The following SH3BGRL2 variants were observed in gnomAD, a reference collection of about 807,000 sequenced individuals.
SH3BGRL2 encodes the protein SH3 domain binding glutamate rich protein like 2.
In SH3BGRL2, 21 loss-of-function variants were observed where a neutral mutation model predicts 14.8. The observed-to-expected ratio is 1.42, with a 90% CI of 1.01 to 2.05. The LOEUF (loss-of-function observed/expected upper bound fraction) is 2.05, where lower values mean the gene tolerates loss of function less well. Among genes scored for constraint, SH3BGRL2 ranks in the 30% most tolerant of loss-of-function variants. The pLI, the probability that SH3BGRL2 is intolerant of heterozygous loss-of-function variation, is 0.00. For synonymous variants in SH3BGRL2, 50 were observed against 47.8 expected (o/e 1.05, Z -0.19); for missense variants, 147 against 130.8 (o/e 1.12, Z -0.61).
the SH3BGRL2 span, among the ~76,000 whole-genome samples, chr6:79,617,556 G>T: frequency 6.6e-6 from 1 of 151,950 alleles, no homozygotes; most frequent in Non-Finnish European, 1.5e-5. Flanking sequence ...TGTTGTGTTT[G>T]GTTAAGCAAG....
the SH3BGRL2 span, among the ~76,000 whole-genome samples, chr6:79,548,837 A>G: frequency 9.9e-5 from 15 of 152,202 alleles, no homozygotes; most frequent in African/African-American, 3.1e-4. Context: ...AGGAGGAACA[A>G]TGAAAAATGG....
At chr6:79,537,700 G>A in the SH3BGRL2 span, among the ~76,000 whole-genome samples, 2 of 152,140 alleles carry the variant, frequency 1.3e-5, no homozygotes, top group African/African-American at 4.8e-5. Context: ...GAGGGACGCG[G>A]GCGGAGGGCA....
chr6:79,682,660 C>T (rs376548716), intron 2 of SH3BGRL2, among the ~76,000 whole-genome samples: 19 of 152,148 alleles, frequency 1.2e-4, no homozygotes, highest in East Asian at 5.8e-4. Context: ...CCCATCTGCC[C>T]GGAACATCCA....
chr6:79,681,256 C>T (rs1769983367), intron 2 of SH3BGRL2, among the ~76,000 whole-genome samples: 1 of 151,862 alleles, frequency 6.6e-6, no homozygotes, highest in Non-Finnish European at 1.5e-5. Flanking sequence ...CTGTTTTTAC[C>T]GAAAAATAAC....
intron 1 of SH3BGRL2, among the ~76,000 whole-genome samples, chr6:79,663,506 CAAATGTT>C (rs1209558351): frequency 6.6e-6 from 1 of 152,174 alleles, no homozygotes; most frequent in African/African-American, 2.4e-5. Context: ...TGCAGAACAG[CAAATGTT>C]ACTCCCTGAT....
the SH3BGRL2 span, among the ~76,000 whole-genome samples, chr6:79,567,928 C>T: frequency 6.6e-6 from 1 of 152,138 alleles, no homozygotes; most frequent in African/African-American, 2.4e-5. Context: ...TGGGCAGCGA[C>T]TATGGATATC....
At chr6:79,596,972 G>A in the SH3BGRL2 span, among the ~76,000 whole-genome samples, 1 of 152,180 alleles carries the variant, frequency 6.6e-6, no homozygotes, top group African/African-American at 2.4e-5. Context: ...CCTCCTGTCT[G>A]TAATCCCAGG....
chr6:79,664,994 G>A (rs1769627848), intron 1 of SH3BGRL2, among the ~76,000 whole-genome samples: 2 of 152,184 alleles, frequency 1.3e-5, no homozygotes, highest in Admixed American at 6.5e-5. Flanking sequence ...GAGGTCAGGA[G>A]TTTGAGACCA....
chr6:79,568,894 T>A, the SH3BGRL2 span, among the ~76,000 whole-genome samples: 7 of 152,146 alleles, frequency 4.6e-5, no homozygotes, highest in African/African-American at 1.7e-4. Flanking sequence ...TAAAAATGAA[T>A]TTTTTTGTTA....
the SH3BGRL2 span, among the ~76,000 whole-genome samples, chr6:79,550,639 G>C: frequency 6.6e-6 from 1 of 152,062 alleles, no homozygotes; most frequent in Non-Finnish European, 1.5e-5. Context: ...ATTCCTACTT[G>C]GTCAAGGAAT....
At chr6:79,559,517 A>T in the SH3BGRL2 span, among the ~76,000 whole-genome samples, 6 of 152,184 alleles carry the variant, frequency 3.9e-5, no homozygotes, top group African/African-American at 7.2e-5. Context: ...ACAAAGAAAA[A>T]CTATGGAAAT....
chr6:79,692,488 A>T (rs1319045641), intron 2 of SH3BGRL2, among the ~76,000 whole-genome samples: 3 of 152,194 alleles, frequency 2.0e-5, no homozygotes, highest in Non-Finnish European at 2.9e-5. Flanking sequence ...TTATGGTTCT[A>T]GGTCTAACAT....
chr6:79,551,261 C>T, the SH3BGRL2 span, among the ~76,000 whole-genome samples: 1 of 152,154 alleles, frequency 6.6e-6, no homozygotes, highest in Non-Finnish European at 1.5e-5. Flanking sequence ...AATTATAAAA[C>T]CTCACTCCCA....
At chr6:79,600,575 G>T in the SH3BGRL2 span, among the ~76,000 whole-genome samples, 1 of 151,998 alleles carries the variant, frequency 6.6e-6, no homozygotes, top group Admixed American at 6.6e-5. Flanking sequence ...ACAGTCTCCT[G>T]CCCCACAGAA....
intron 1 of SH3BGRL2, among the ~76,000 whole-genome samples, chr6:79,668,657 G>C (rs1021979723): frequency 2.0e-5 from 3 of 151,998 alleles, no homozygotes; most frequent in Admixed American, 6.6e-5. Context: ...AGCAGATTCA[G>C]GGAAATACCC....
intron 1 of SH3BGRL2, among the ~76,000 whole-genome samples, chr6:79,661,697 T>C (rs1384303457): frequency 1.3e-5 from 2 of 152,240 alleles, no homozygotes; most frequent in African/African-American, 4.8e-5. Flanking sequence ...GTTAATCTTC[T>C]GTCTCATTCA....
At chr6:79,652,009 C>G (rs1314916474) in intron 1 of SH3BGRL2, among the ~76,000 whole-genome samples, 1 of 152,184 alleles carries the variant, frequency 6.6e-6, no homozygotes, top group African/African-American at 2.4e-5. Flanking sequence ...ATTCCCTCAG[C>G]TGTGACCACC....
rs1768818741 is a variant in SH3BGRL2 at position 79,631,355 on chromosome 6, A to G, written c.-107A>G. 15 of 1,039,660 alleles carry G rather than the reference A, an allele frequency of 1.4e-5. No homozygotes were observed. Among genetic ancestry groups the G allele is most frequent in the Non-Finnish European group, 1.9e-5 (15 of 771,100 alleles). 64.4% of individuals were successfully genotyped at this position (1,039,660 alleles called of 1,614,324 possible). On this transcript the variant is annotated 5_prime_UTR_variant, in exon 1 of 4. Coordinates refer to ENST00000369838, the MANE Select transcript of SH3BGRL2 (RefSeq NM_031469.4). ...GATCCCAGCGATCTTCCCCGACGGCAGCGCTTTACCCAGAGGCTGCCGGCG... is the reference window on the plus strand; with the variant it reads ...GATCCCAGCGATCTTCCCCGACGGCGGCGCTTTACCCAGAGGCTGCCGGCG...
At chr6:79,634,347 G>A (rs532868215) in intron 1 of SH3BGRL2, among the ~76,000 whole-genome samples, 128 of 152,214 alleles carry the variant, frequency 8.4e-4, no homozygotes, top group African/African-American at 3.0e-3. Flanking sequence ...CTGAAAAATC[G>A]GATTTCTTAT....
Sources: allele counts gnomAD v4.1 joint callset (sites outside exome capture counted in the v4.1 genomes callset), GRCh38; gene constraint gnomAD v4.1.1; transcripts MANE v1.5; gene names NCBI Gene and HGNC (gene_info 2026-07-23, HGNC 2026-07-21).